The following ITPR3 variants were observed in gnomAD, a reference collection of about 807,000 sequenced individuals.
ITPR3 encodes the protein inositol 1,4,5-trisphosphate-gated calcium channel ITPR3.
A neutral mutation model predicts 293.2 loss-of-function variants in ITPR3; 173 were observed. That is an observed-to-expected ratio of 0.59 (90% CI 0.52 to 0.67). The LOEUF is 0.67. Among genes scored for constraint, ITPR3 ranks in the 30% least tolerant of loss-of-function variants. The pLI is 0.00. For synonymous variants in ITPR3, 1,295 were observed against 1,444.4 expected (o/e 0.90, Z 2.35); for missense variants, 2,796 against 3,592.1 (o/e 0.78, Z 5.66).
At position 33,667,290 on chromosome 6, in the gene ITPR3, G is replaced by A. The variant is rs979301467; in HGVS notation, c.1713G>A (p.Gln571=). 1.2e-6 allele frequency: 2 copies of A among 1,611,606 alleles called. No homozygotes were observed. Among genetic ancestry groups the A allele is most frequent in the Admixed American group, 1.7e-5 (1 of 59,932 alleles). Residue 571 remains glutamine, a splice_region_variant and synonymous_variant, in exon 15 of 58, where the codon CAG becomes CAA. Transcript: ENST00000605930. The surrounding 1 kb of genome is among the most constrained non-coding windows in gnomAD (Gnocchi z 4.4). The part of the protein sequence containing the change: ...RHSQEDYRKN[Q]EHIAKQFGMM... Reference sequence around the variant, plus strand: ...CCCAGGAGGACTACCGCAAGAACCAGGTGCGCCGCTGCCCTGCTGGCCCAC... The same window carrying A: ...CCCAGGAGGACTACCGCAAGAACCAAGTGCGCCGCTGCCCTGCTGGCCCAC...
rs1232183200 is a variant in ITPR3, at chr6:33,690,189, C to T, written c.7023C>T (p.Tyr2341=). ...GCCTCTTTGCTCATGAGCTGTTCTA[C>T]AGCATCCTGGTGAGGCCTTCTGGGT... ...VLGLFAHELF[Y]SILLFDLIYR... is the part of the protein sequence containing the mutation. Residue 2341 remains tyrosine (Y), a synonymous_variant, in exon 51 of 58, where the codon TAC becomes TAT. Transcript: ENST00000605930. 3 of 1,613,382 alleles carry T rather than the reference C, an allele frequency of 1.9e-6. No individual in the cohort carries two copies. Among genetic ancestry groups the T allele is most frequent in the Non-Finnish European group, 2.5e-6 (3 of 1,179,730 alleles).
At chr6:33,676,959 C>A (rs1764923728) in intron 26 of ITPR3, 27 bp downstream of exon 26, 3 of 1,613,954 alleles carry the variant, frequency 1.9e-6, no homozygotes, top group East Asian at 4.5e-5. Flanking sequence ...GGGGCCAGGG[C>A]AGGCCTCCCT....
chr6:33,657,999 A>G lies in ITPR3; in HGVS notation c.350A>G (p.Lys117Arg). 1 of 1,613,682 alleles carries G rather than the reference A, an allele frequency of 6.2e-7. No homozygotes were observed. The highest frequency in any genetic ancestry group is 8.5e-7 in the Non-Finnish European group (1 of 1,179,762). ...ENKKVHGDVV[K>R]YGSVIQLLHM... ...AAGAAGGTGCATGGGGATGTCGTGA[A>G]GTATGGCAGTGTGATCCAGGTGAGG... The change falls in exon 4 of 58, where the codon AAG (lysine) becomes AGG (arginine). Residue 117 changes from lysine to arginine, a missense_variant. By Grantham distance (26) the Lys-to-Arg change is conservative. Around this residue, in one of 8 missense-constraint regions of ITPR3, gnomAD observed 144 missense variants for 230.8 expected, o/e 0.62. Coordinates refer to ENST00000605930, the MANE Select transcript of ITPR3 (RefSeq NM_002224.4).
chr6:33,665,816 C>A lies in ITPR3; in HGVS notation c.1410-19C>A. On this transcript the variant is annotated intron_variant, in intron 13 of 57. Coordinates refer to ENST00000605930, the MANE Select transcript of ITPR3 (RefSeq NM_002224.4). Reference sequence around the variant, plus strand: ...GGGTGGGTATCTCACACTCGTCATCCCCGGGTCCCCTCACCCAGGTTTGTC... The same window carrying A: ...GGGTGGGTATCTCACACTCGTCATCACCGGGTCCCCTCACCCAGGTTTGTC... 6.2e-7 allele frequency: 1 copy of A among 1,613,448 alleles called. No homozygotes were observed. Among genetic ancestry groups the A allele is most frequent in the Non-Finnish European group, 8.5e-7 (1 of 1,179,442 alleles).
At position 33,672,025 on chromosome 6, in the gene ITPR3, A is replaced by T. The variant is rs1450141781; in HGVS notation, c.2729-4A>T. The T allele has an allele frequency of 6.3e-7, 1 of 1,594,268 alleles. No individual in the cohort carries two copies. The highest frequency in any genetic ancestry group is 1.3e-5 in the African/African-American group (1 of 74,624). On this transcript the variant is annotated splice_polypyrimidine_tract_variant and splice_region_variant and intron_variant, in intron 21 of 57. Coordinates refer to ENST00000605930, the MANE Select transcript of ITPR3 (RefSeq NM_002224.4). This position sits in a 1 kb window ranked among gnomAD's most constrained non-coding sequence, Gnocchi z 5.0. ...GGCAACCTCCTCTGCTTCCCCCTCCACAGGCAAGAATGTGCGGCGGTCCAT... is the reference window on the plus strand; with the variant it reads ...GGCAACCTCCTCTGCTTCCCCCTCCTCAGGCAAGAATGTGCGGCGGTCCAT...
chr6:33,640,517 G>A lies in ITPR3; in HGVS notation c.123G>A (p.Ala41=), dbSNP rs777701344. ...LVDDRCVVEP[A]AGDLDNPPKK... ...ATGACCGCTGTGTGGTGGAGCCCGC[G>A]GCCGGGGACCTGGACAACCCCCCTA... Residue 41 remains alanine, a synonymous_variant, in exon 2 of 58, where the codon GCG becomes GCA. Transcript: ENST00000605930. 9 of 1,613,576 alleles carry A rather than the reference G, an allele frequency of 5.6e-6. No homozygotes were observed. Among genetic ancestry groups the A allele is most frequent in the South Asian group, 3.3e-5 (3 of 91,068 alleles).
chr6:33,686,811 C>T (rs2395450), intron 43 of ITPR3, among the ~76,000 whole-genome samples, 198 bp from the exon 44 acceptor site: 63,121 of 151,638 alleles, frequency 0.42, 15,507 homozygotes, highest in East Asian at 0.89. Flanking sequence ...TTTGCCACAG[C>T]GGGGGTGAAG....
Position 33,687,451 on chromosome 6 carries a change from T to A in ITPR3, c.6178-27T>A. The A allele has an allele frequency of 6.3e-7, 1 of 1,595,908 alleles. No homozygotes were observed. On this transcript the variant is annotated intron_variant, in intron 45 of 57. Transcript: ENST00000605930. This position sits in a 1 kb window ranked among gnomAD's most constrained non-coding sequence, Gnocchi z 5.3. Reference sequence around the variant, plus strand: ...ACCATGTCCCCCAGCCACCACACCCTGGTGACTGTGCTGCCATTTCCCTCA... The same window carrying A: ...ACCATGTCCCCCAGCCACCACACCCAGGTGACTGTGCTGCCATTTCCCTCA...
Position 33,671,255 on chromosome 6 carries a change from G to A in ITPR3, c.2677G>A (p.Asp893Asn), listed in dbSNP as rs558328402. The A allele has an allele frequency of 3.7e-6, 6 of 1,613,666 alleles. No individual in the cohort carries two copies. The highest frequency in any genetic ancestry group is 1.1e-5 in the South Asian group (1 of 91,074). Residue 893 changes from aspartate to asparagine, a missense_variant, in exon 21 of 58, where the codon GAC (aspartate) becomes AAC (asparagine). Physicochemically the swap from Asp to Asn is conservative, Grantham distance 23 (BLOSUM62 1). Coordinates refer to ENST00000605930, the MANE Select transcript of ITPR3 (RefSeq NM_002224.4). ...RLTRTLLGII[D>N]CVQGPPAMLQ... ...CACTCGCACACTGCTGGGCATCATC[G>A]ACTGTGTGCAGGGGCCCCCGGCCAT...
At position 33,688,747 on chromosome 6, in the gene ITPR3, C is replaced by T; in HGVS notation, c.6660C>T (p.Ala2220=). 6.2e-7 allele frequency: 1 copy of T among 1,614,224 alleles called. No individual in the cohort carries two copies. The highest frequency in any genetic ancestry group is 8.5e-7 in the Non-Finnish European group (1 of 1,180,034). The change falls in exon 49 of 58, where the codon GCC becomes GCT. Residue 2220 remains alanine (A), a synonymous_variant. Transcript: ENST00000605930. ...NLAVFINIII[A]FFYPYMEGAS... ...CCGTGTTTATCAACATCATCATTGC[C>T]TTCTTCTACCCTTACATGGAGGGCG...
At position 33,682,833 on chromosome 6, in the gene ITPR3, TC is replaced by T. The variant is rs1030482524; in HGVS notation, c.4597+190del. Among the ~76,000 whole-genome samples the T allele has an allele frequency of 2.2e-4, 33 of 152,228 alleles. No homozygotes were observed. Among genetic ancestry groups the T allele is most frequent in the African/African-American group, 7.2e-4 (30 of 41,526 alleles). ...GAGAGAAGCTGTTTTCTCCTCTGGG[TC>T]AGTTCCCCAGAGAAGGATGCTCGCC... On this transcript the variant is annotated intron_variant, in intron 34 of 57. Coordinates refer to ENST00000605930, the MANE Select transcript of ITPR3 (RefSeq NM_002224.4). This position sits in a 1 kb window ranked among gnomAD's most constrained non-coding sequence, Gnocchi z 5.4.
intron 3 of ITPR3, among the ~76,000 whole-genome samples, chr6:33,656,279 A>G (rs981555381): frequency 4.6e-5 from 7 of 152,186 alleles, no homozygotes; most frequent in African/African-American, 1.7e-4. Flanking sequence ...CAATGAGAAG[A>G]AAGTGCCCCT....
Position 33,682,635 on chromosome 6 carries a change from G to A in ITPR3, c.4588G>A (p.Ala1530Thr). 3 of 1,594,460 alleles carry A rather than the reference G, an allele frequency of 1.9e-6. No individual in the cohort carries two copies. Among genetic ancestry groups the A allele is most frequent in the Non-Finnish European group, 2.6e-6 (3 of 1,172,184 alleles). Residue 1530 changes from alanine (A) to threonine (T), a missense_variant, in exon 34 of 58, where the codon GCC becomes ACC. Coordinates refer to ENST00000605930, the MANE Select transcript of ITPR3 (RefSeq NM_002224.4). This position sits in a 1 kb window ranked among gnomAD's most constrained non-coding sequence, Gnocchi z 5.4. ...GSVEACIRTL[A>T]MVAKGRAILL... ...CGTGGAGGCCTGCATCCGGACCCTC[G>A]CCATGGTGGGTGAGTGTGCCGGGGC...
rs1764602558 is a variant in ITPR3, at chr6:33,666,085, A to G, written c.1551+109A>G. On this transcript the variant is annotated intron_variant, in intron 14 of 57. Coordinates refer to ENST00000605930, the MANE Select transcript of ITPR3 (RefSeq NM_002224.4). This position sits in a 1 kb window ranked among gnomAD's most constrained non-coding sequence, Gnocchi z 5.1. ...TAACAAAAATCAGTATATATGGGGC[A>G]CGACCACGTGCCAGGGACTTCCCTA... 1 of 1,313,654 alleles carries G rather than the reference A, an allele frequency of 7.6e-7. No homozygotes were observed. Among genetic ancestry groups the G allele is most frequent in the Non-Finnish European group, 1.0e-6 (1 of 968,040 alleles). The allele number at this position is 1,313,654 out of a possible 1,614,324, so 81.4% of individuals were successfully genotyped here.
At chr6:33,657,838 T>TGTGCATGTGTGC in intron 3 of ITPR3, 94 bp from the exon 4 acceptor site, 1 of 935,606 alleles carries the variant, frequency 1.1e-6, no homozygotes, top group Non-Finnish European at 1.7e-6. Flanking sequence ...TGTGTGTTTG[T>TGTGCATGTGTGC]GTGCATGTGT....
At chr6:33,643,739 T>G (rs966942138) in intron 2 of ITPR3, among the ~76,000 whole-genome samples, 10 of 152,254 alleles carry the variant, frequency 6.6e-5, no homozygotes, top group Admixed American at 5.9e-4. Flanking sequence ...GACATGTGTG[T>G]GGGGGCAGGT....
Position 33,684,418 on chromosome 6 carries a change from C to T in ITPR3, c.4999C>T (p.Arg1667Trp), listed in dbSNP as rs888688235. 21 of 1,613,954 alleles carry T rather than the reference C, an allele frequency of 1.3e-5. 1 individual carries two copies. The highest frequency in any genetic ancestry group is 3.3e-4 in the Middle Eastern group (2 of 6,084). The change falls in exon 37 of 58, where the codon CGG becomes TGG. Residue 1667 changes from arginine (R) to tryptophan (W), a missense_variant. Transcript: ENST00000605930. This position sits in a 1 kb window ranked among gnomAD's most constrained non-coding sequence, Gnocchi z 4.2. ...SEEKLCIKVL[R>W]TLQQMLLKKT... ...GGAGAAGCTGTGCATCAAGGTGCTG[C>T]GGACCCTGCAGCAGATGCTGCTCAA... is the stretch of plus-strand genomic sequence containing the variant.
In ITPR3 at chr6:33,624,556, A is replaced by G. The variant is rs1763511483; in HGVS notation, c.89+2865A>G. Among the ~76,000 whole-genome samples the G allele has an allele frequency of 6.6e-6, 1 of 152,108 alleles. No individual in the cohort carries two copies. The highest frequency in any genetic ancestry group is 1.5e-5 in the Non-Finnish European group (1 of 68,028). ...AGTGTGAGGAGCGTTGCTCTGAGTG[A>G]TTTTCTCTCTGCCCCATCCTCCTCA... On this transcript the variant is annotated intron_variant, in intron 1 of 57. Transcript: ENST00000605930. The surrounding 1 kb of genome is among the most constrained non-coding windows in gnomAD (Gnocchi z 4.7).
intron 7 of ITPR3, among the ~76,000 whole-genome samples, chr6:33,660,921 A>T (rs1222424396): frequency 6.6e-6 from 1 of 151,494 alleles, no homozygotes; most frequent in Non-Finnish European, 1.5e-5. Context: ...ACAGAGCGAG[A>T]CTCCTTCTCA....
Sources: gnomAD v4.1 joint callset for allele counts (sites outside exome capture counted in the v4.1 genomes callset) on GRCh38, gnomAD v4.1.1 for gene constraint, gnomAD v4.1.1 regional missense constraint, Gnocchi (gnomAD v3.1) non-coding constraint, MANE v1.5 for transcripts, NCBI Gene and HGNC (gene_info 2026-07-23, HGNC 2026-07-21) for gene names.